Variants in RASGRP1 observed in about 807,000 individuals in gnomAD.
RASGRP1 encodes RAS guanyl releasing protein 1, also known as RAS guanyl-releasing protein 1.
Under a neutral mutation model 95.1 loss-of-function variants are expected in RASGRP1, and 37 were observed. The ratio of observed to expected loss-of-function variants is 0.39; its 90% CI spans 0.30 to 0.51. The LOEUF (loss-of-function observed/expected upper bound fraction) is 0.51, where lower values mean the gene tolerates loss of function less well. Ranked by LOEUF, RASGRP1 falls within the 20% of genes least tolerant of loss-of-function variation. The pLI, the probability that RASGRP1 is intolerant of heterozygous loss-of-function variation, is 0.80. For synonymous variants in RASGRP1, 325 were observed against 353.4 expected (o/e 0.92, Z 0.90); for missense variants, 711 against 965.4 (o/e 0.74, Z 3.49).
chr15:38,563,896 G>A (rs1164083025), intron 1 of RASGRP1, among the ~76,000 whole-genome samples: 1 of 152,204 alleles, frequency 6.6e-6, no homozygotes, highest in African/African-American at 2.4e-5. Flanking sequence ...CCTACGCCGA[G>A]GCCAGGCCTT....
At chr15:38,504,058 T>C (rs539320884) in intron 10 of RASGRP1, 1 of 152,332 alleles carries the variant, frequency 6.6e-6, no homozygotes, top group African/African-American at 2.4e-5. Flanking sequence ...TCTTAACATA[T>C]CTAAACATAG....
At position 38,524,970 on chromosome 15, in the gene RASGRP1, CTT is replaced by C. The variant is rs5812043; in HGVS notation, c.326+1327_326+1328del. On this transcript the variant is annotated intron_variant, in intron 3 of 16. Coordinates refer to ENST00000310803, the MANE Select transcript of RASGRP1 (RefSeq NM_005739.4). ...GGAACCCCGAGGTACAATTTTCTTT[CTT>C]TTTTTTTTTTTTTGAGACAGAGTCT... Among the ~76,000 whole-genome samples, 230 of 140,902 alleles carry C rather than the reference CTT, an allele frequency of 1.6e-3. 1 individual carries two copies. The highest frequency in any genetic ancestry group is 4.8e-3 in the South Asian group (21 of 4,364). The allele number at this position is 140,902 out of a possible 152,430, so 92.4% of individuals were successfully genotyped here.
intron 15 of RASGRP1, among the ~76,000 whole-genome samples, chr15:38,498,326 A>G (rs1405510669): frequency 6.6e-6 from 1 of 152,226 alleles, no homozygotes; most frequent in Non-Finnish European, 1.5e-5. Context: ...TGTTTCTAGT[A>G]CATGTGTAAC....
intron 8 of RASGRP1, 89 bp downstream of exon 8, chr15:38,511,515 A>G (rs1891511525): frequency 2.0e-6 from 2 of 990,372 alleles, no homozygotes; most frequent in African/African-American, 1.6e-5. Context: ...GTGGTTGGAA[A>G]TGCTCTCTGG....
rs759588382 is a variant in RASGRP1, at chr15:38,494,421, G to A, written c.2220C>T (p.Leu740=). 40 of 1,613,768 alleles carry A rather than the reference G, an allele frequency of 2.5e-5. No individual in the cohort carries two copies. The highest frequency in any genetic ancestry group is 3.2e-5 in the Non-Finnish European group (38 of 1,179,864). Residue 740 remains leucine, a synonymous_variant, in exon 16 of 17, where the codon CTC becomes CTT. Coordinates refer to ENST00000310803, the MANE Select transcript of RASGRP1 (RefSeq NM_005739.4). ...KDSLIKSKEE[L]RHLRLPTYQE... ...GGTAGGTAGGCAGTCTGAGGTGACG[G>A]AGCTCCTCCTTTGATTTTATGAGGG...
Position 38,507,864 on chromosome 15 carries a change from G to A in RASGRP1, c.1104C>T (p.Ala368=). ...HLKDLISLYE[A]MPDYLEDGKV... is the part of the protein sequence containing the mutation. ...TCCCGTCCTCCAGATAGTCAGGCAT[G>A]GCTTCATACAGGGAGATGAGGTCCT... The change falls in exon 9 of 17, where the codon GCC becomes GCT. Residue 368 remains alanine, a synonymous_variant. Transcript: ENST00000310803. 3 of 1,613,764 alleles carry A rather than the reference G, an allele frequency of 1.9e-6. No individual in the cohort carries two copies. The highest frequency in any genetic ancestry group is 2.5e-6 in the Non-Finnish European group (3 of 1,179,808).
rs1321788718 is a variant in RASGRP1 at position 38,505,952 on chromosome 15, T to C, written c.1243-32A>G. The C allele has an allele frequency of 2.6e-6, 4 of 1,531,132 alleles. No homozygotes were observed. The African/African-American group carries it at 4.1e-5, about 16-fold the overall frequency. 94.8% of individuals were successfully genotyped at this position (1,531,132 alleles called of 1,614,324 possible). On this transcript the variant is annotated intron_variant, in intron 9 of 16. Coordinates refer to ENST00000310803, the MANE Select transcript of RASGRP1 (RefSeq NM_005739.4). ...ATCAAAGCAGAACAGGGTTCATTGC[T>C]AAGATGCTGTTTGCCTCTCCCACAG...
In RASGRP1 at chr15:38,489,411, A is replaced by G. The variant is rs1344079821; in HGVS notation, c.*1143T>C. 1.3e-5 allele frequency: 2 copies of G among 152,198 alleles called. No homozygotes were observed. The highest frequency in any genetic ancestry group is 4.8e-5 in the African/African-American group (2 of 41,438). 9.4% of individuals were successfully genotyped at this position (152,198 alleles called of 1,614,324 possible). A position where few individuals can be genotyped will look rare whatever the true frequency, so the allele number is the denominator to read the frequency against. Reference sequence around the variant, plus strand: ...AACAATACAATTTTACCTTGTGAGCAATTTAATCTTGTGACAAACTGAACT... The same window carrying G: ...AACAATACAATTTTACCTTGTGAGCGATTTAATCTTGTGACAAACTGAACT... On this transcript the variant is annotated 3_prime_UTR_variant, in exon 17 of 17. Coordinates refer to ENST00000310803, the MANE Select transcript of RASGRP1 (RefSeq NM_005739.4).
intron 2 of RASGRP1, among the ~76,000 whole-genome samples, chr15:38,546,464 G>A (rs1893109036): frequency 6.6e-6 from 1 of 152,116 alleles, no homozygotes; most frequent in Non-Finnish European, 1.5e-5. Context: ...TTGACCTCAC[G>A]ATTCGCCTGC....
chr15:38,529,142 G>A (rs1314118767), intron 2 of RASGRP1, among the ~76,000 whole-genome samples: 1 of 152,124 alleles, frequency 6.6e-6, no homozygotes, highest in African/African-American at 2.4e-5. Flanking sequence ...CCACCATGAT[G>A]CAATGACTTA....
chr15:38,510,083 C>T (rs1211250453), intron 8 of RASGRP1, among the ~76,000 whole-genome samples: 2 of 152,140 alleles, frequency 1.3e-5, no homozygotes, highest in Admixed American at 1.3e-4. Context: ...TATTTTTATT[C>T]CCCTCCGAAG....
intron 2 of RASGRP1, among the ~76,000 whole-genome samples, chr15:38,551,223 A>T (rs28418718): frequency 0.021 from 3,193 of 152,266 alleles, 127 homozygotes; most frequent in African/African-American, 0.073. Context: ...AAGAATATTG[A>T]CTCTTCAAAT....
chr15:38,494,951 G>A (rs1277959110), intron 15 of RASGRP1, among the ~76,000 whole-genome samples, 184 bp from the exon 16 acceptor site: 1 of 152,186 alleles, frequency 6.6e-6, no homozygotes, highest in African/African-American at 2.4e-5. Context: ...GCCAAGACAT[G>A]GCCACTGGTG....
chr15:38,524,947 A>C (rs1228112253), intron 3 of RASGRP1, among the ~76,000 whole-genome samples: 1 of 148,054 alleles, frequency 6.8e-6, no homozygotes, highest in Non-Finnish European at 1.5e-5. Context: ...TAAGGGCAGG[A>C]ACCCCGAGGT....
At chr15:38,560,183 T>G (rs1472995107) in intron 1 of RASGRP1, 178 bp from the exon 2 acceptor site, 1 of 630,082 alleles carries the variant, frequency 1.6e-6, no homozygotes, top group Non-Finnish European at 2.8e-6. Context: ...AAGAGACATC[T>G]CCCCAGCAAA....
intron 11 of RASGRP1, chr15:38,502,720 CT>C (rs1891086921): frequency 2.9e-5 from 8 of 277,888 alleles, no homozygotes; most frequent in South Asian, 1.3e-4. Flanking sequence ...TCACTCTACC[CT>C]TTTTTTCATC....
At chr15:38,494,194 A>G (rs1168232418) in intron 16 of RASGRP1, 188 bp downstream of exon 16, 5 of 764,820 alleles carry the variant, frequency 6.5e-6, no homozygotes, top group African/African-American at 1.7e-5. Context: ...GCTGGAATCA[A>G]TCATCCTTTC....
intron 12 of RASGRP1, 59 bp from the exon 13 acceptor site, chr15:38,501,346 A>AGG (rs780656904): frequency 3.8e-6 from 6 of 1,577,716 alleles, no homozygotes; most frequent in Admixed American, 1.7e-5. Context: ...GCAGGTAGCA[A>AGG]GGGGGGGCTT....
rs779526645 is a variant in RASGRP1 at position 38,559,940 on chromosome 15, G to A, written c.101C>T (p.Pro34Leu). Residue 34 changes from proline (P) to leucine (L), a missense_variant, in exon 2 of 17, where the codon CCC becomes CTC. Around this residue, in one of 3 missense-constraint regions of RASGRP1, gnomAD observed 491 missense variants for 676.6 expected, o/e 0.73. Transcript: ENST00000310803. ...GGCCAAGCTGGGATGGGAGGGGAAG[G>A]GGCTGTTGGCTGGCTTTGCCTCTAG... ...ARLEAKPANSPFPSHPSLAHI... is the reference protein window; with the variant it reads ...ARLEAKPANSLFPSHPSLAHI... 4.1e-5 allele frequency: 66 copies of A among 1,613,556 alleles called. No homozygotes were observed. Among genetic ancestry groups the A allele is most frequent in the Non-Finnish European group, 5.1e-5 (60 of 1,179,680 alleles).
Sources: allele counts gnomAD v4.1 joint callset (sites outside exome capture counted in the v4.1 genomes callset), GRCh38; gene constraint gnomAD v4.1.1; regional missense constraint gnomAD v4.1.1; transcripts MANE v1.5; gene names NCBI Gene and HGNC (gene_info 2026-07-23, HGNC 2026-07-21).